TP53INP1: variants seen among roughly 807,000 people sequenced by gnomAD.
TP53INP1 encodes the protein tumor protein p53 inducible nuclear protein 1, also known as tumor protein p53-inducible nuclear protein 1.
In TP53INP1, 12 loss-of-function variants were observed where a neutral mutation model predicts 21.0. The observed-to-expected ratio is 0.57, with a 90% CI of 0.37 to 0.93. The LOEUF is 0.93. Among genes scored for constraint, TP53INP1 ranks in the 40% least tolerant of loss-of-function variants. TP53INP1 has a pLI of 0.01. For missense variants in TP53INP1, 274 were observed against 294.7 expected, an observed-to-expected ratio of 0.93 and a Z score of 0.51; for synonymous variants, 91 against 94.8, an observed-to-expected ratio of 0.96 and a Z score of 0.23.
chr8:94,940,208 C>A lies in TP53INP1; in HGVS notation c.125G>T (p.Gly42Val). 6.2e-7 allele frequency: 1 copy of A among 1,610,168 alleles called. No individual in the cohort carries two copies. Among genetic ancestry groups the A allele is most frequent in the South Asian group, 1.1e-5 (1 of 90,448 alleles). ...ILVDFIDTCT[G>V]FSAEEEEEEE... ...TTCTTCTTCTTCTTCTGCTGAGAAACCAGTGCAAGTATCTAGATCGTAGTC... is the reference window on the plus strand; with the variant it reads ...TTCTTCTTCTTCTTCTGCTGAGAAAACAGTGCAAGTATCTAGATCGTAGTC... The change falls in exon 3 of 4, where the codon GGT (glycine) becomes GTT (valine). Residue 42 changes from glycine (G) to valine (V), a missense_variant. By Grantham distance (109) the Gly-to-Val change is moderately radical (BLOSUM62 -3). Coordinates refer to ENST00000342697, the MANE Select transcript of TP53INP1 (RefSeq NM_033285.4).
chr8:94,941,007 T>A lies in TP53INP1; in HGVS notation c.-66A>T. ...AGCTGAGATTTCAAAACCTTGTCTT[T>A]AGTTGGCCCAATGGTACCGACAGGA... On this transcript the variant is annotated 5_prime_UTR_variant, in exon 2 of 4. Coordinates refer to ENST00000342697, the MANE Select transcript of TP53INP1 (RefSeq NM_033285.4). 1 of 1,263,686 alleles carries A rather than the reference T, an allele frequency of 7.9e-7. No individual in the cohort carries two copies. Among genetic ancestry groups the A allele is most frequent in the Non-Finnish European group, 1.1e-6 (1 of 876,606 alleles). 78.3% of individuals were successfully genotyped at this position (1,263,686 alleles called of 1,614,324 possible).
At chr8:94,939,749 T>A in intron 3 of TP53INP1, 111 bp downstream of exon 3, 1 of 1,449,268 alleles carries the variant, frequency 6.9e-7, no homozygotes, top group Non-Finnish European at 9.4e-7. Flanking sequence ...CTTTCATAAA[T>A]CTCTAACAAA....
At chr8:94,944,849 G>A (rs779330560) in intron 1 of TP53INP1, among the ~76,000 whole-genome samples, 1 of 152,006 alleles carries the variant, frequency 6.6e-6, no homozygotes, top group African/African-American at 2.4e-5. Context: ...GAATCACCTC[G>A]TCACTCTCTT....
intron 3 of TP53INP1, among the ~76,000 whole-genome samples, chr8:94,933,834 T>TA (rs1554630442): frequency 1.7e-5 from 1 of 59,022 alleles, no homozygotes; most frequent in South Asian, 6.4e-4. Flanking sequence ...CAGCACTTTG[T>TA]GGGGGGGGGG....
rs1820747587 is a variant in TP53INP1 at position 94,934,243 on chromosome 8, T to C, written c.474-3515A>G. Among the ~76,000 whole-genome samples the C allele has an allele frequency of 2.6e-5, 4 of 152,202 alleles. No homozygotes were observed. The South Asian group carries it at 8.3e-4, about 31-fold the overall frequency. ...AATGTCATTTCCAATTTTTGCATAT[T>C]TGTATTTTCTAATTTTTTTACATTG... On this transcript the variant is annotated intron_variant, in intron 3 of 3. Coordinates refer to ENST00000342697, the MANE Select transcript of TP53INP1 (RefSeq NM_033285.4).
chr8:94,939,207 T>C (rs1821281911), intron 3 of TP53INP1, among the ~76,000 whole-genome samples: 2 of 152,210 alleles, frequency 1.3e-5, no homozygotes, highest in African/African-American at 4.8e-5. Flanking sequence ...AGAAAATAAA[T>C]TTTAAGACAT....
rs897136439 is a variant in TP53INP1 at position 94,941,110 on chromosome 8, A to G, written c.-150-19T>C. 1.7e-5 allele frequency: 10 copies of G among 590,896 alleles called. No homozygotes were observed. Among genetic ancestry groups the G allele is most frequent in the Middle Eastern group, 2.6e-4 (1 of 3,850 alleles). The allele number at this position is 590,896 out of a possible 1,614,324, so 36.6% of individuals were successfully genotyped here. A position where few individuals can be genotyped will look rare whatever the true frequency, so the allele number is the denominator to read the frequency against. On this transcript the variant is annotated intron_variant, in intron 1 of 3. Transcript: ENST00000342697. ...ATTGTACCTAAAATAAAACAGAAAA[A>G]GGAAGTTATTTCAAATCAGCATGCA...
Position 94,927,097 on chromosome 8 carries a change from A to C in TP53INP1, c.*3382T>G, listed in dbSNP as rs1221990664. 2 of 152,614 alleles carry C rather than the reference A, an allele frequency of 1.3e-5. No homozygotes were observed. Among genetic ancestry groups the C allele is most frequent in the East Asian group, 3.8e-4 (2 of 5,204 alleles). The allele number at this position is 152,614 out of a possible 1,614,324, so 9.5% of individuals were successfully genotyped here. On this transcript the variant is annotated 3_prime_UTR_variant, in exon 4 of 4. Coordinates refer to ENST00000342697, the MANE Select transcript of TP53INP1 (RefSeq NM_033285.4). Reference sequence around the variant, plus strand: ...AAGGAGCAGTCTCTTGACTCAAAAAATGAAAACTAATATGTGGAAACTCTT... The same window carrying C: ...AAGGAGCAGTCTCTTGACTCAAAAACTGAAAACTAATATGTGGAAACTCTT...
At chr8:94,934,848 T>C (rs913515707) in intron 3 of TP53INP1, among the ~76,000 whole-genome samples, 5 of 152,176 alleles carry the variant, frequency 3.3e-5, no homozygotes, top group Non-Finnish European at 7.3e-5. Context: ...CTTAATAAAC[T>C]TGTAGCACTG....
intron 1 of TP53INP1, among the ~76,000 whole-genome samples, chr8:94,947,563 T>C (rs920341456): frequency 3.3e-5 from 5 of 152,186 alleles, no homozygotes; most frequent in Admixed American, 2.6e-4. Context: ...TAATTTAAAA[T>C]GGATTTTGAA....
intron 1 of TP53INP1, among the ~76,000 whole-genome samples, chr8:94,945,925 C>T (rs1421738256): frequency 2.0e-5 from 3 of 152,194 alleles, no homozygotes; most frequent in African/African-American, 7.2e-5. Context: ...TTCAAGAAGG[C>T]AGCTTTGTCC....
At chr8:94,940,355 G>T in intron 2 of TP53INP1, 135 bp from the exon 3 acceptor site, 1 of 1,005,830 alleles carries the variant, frequency 9.9e-7, no homozygotes, top group South Asian at 1.7e-5. Flanking sequence ...GATACTATTA[G>T]CTGATGCTCA....
rs1213330948 is a variant in TP53INP1, at chr8:94,938,522, C to T, written c.473+1338G>A. Among the ~76,000 whole-genome samples, 4 of 152,206 alleles carry T rather than the reference C, an allele frequency of 2.6e-5. No homozygotes were observed. In the East Asian group the frequency reaches 7.7e-4, roughly 29 times the overall value. On this transcript the variant is annotated intron_variant, in intron 3 of 3. Coordinates refer to ENST00000342697, the MANE Select transcript of TP53INP1 (RefSeq NM_033285.4). Reference sequence around the variant, plus strand: ...GATGGGATGTGGTCACTATAAAGACCAAGTTACAGTTGGGACTTTTAGCCC... The same window carrying T: ...GATGGGATGTGGTCACTATAAAGACTAAGTTACAGTTGGGACTTTTAGCCC...
At chr8:94,937,794 C>T (rs1821136997) in intron 3 of TP53INP1, among the ~76,000 whole-genome samples, 1 of 152,096 alleles carries the variant, frequency 6.6e-6, no homozygotes, top group African/African-American at 2.4e-5. Flanking sequence ...ACCTAGACCC[C>T]ATCTTGCAAA....
intron 3 of TP53INP1, among the ~76,000 whole-genome samples, chr8:94,932,621 G>C (rs1437059075): frequency 3.9e-5 from 6 of 152,222 alleles, no homozygotes; most frequent in African/African-American, 1.4e-4. Context: ...GGCTAAAACA[G>C]TGAAACCCCG....
intron 3 of TP53INP1, among the ~76,000 whole-genome samples, chr8:94,936,571 C>T (rs531640859): frequency 1.7e-4 from 26 of 152,182 alleles, no homozygotes; most frequent in African/African-American, 6.3e-4. Context: ...TGATGGAAGC[C>T]CCTAGGTTTG....
At chr8:94,937,020 T>C (rs1821044635) in intron 3 of TP53INP1, among the ~76,000 whole-genome samples, 1 of 152,174 alleles carries the variant, frequency 6.6e-6, no homozygotes, top group African/African-American at 2.4e-5. Context: ...AGCTACAAAA[T>C]GGGTCTTGAG....
At chr8:94,947,412 A>T (rs1405194813) in intron 1 of TP53INP1, among the ~76,000 whole-genome samples, 2 of 152,180 alleles carry the variant, frequency 1.3e-5, no homozygotes, top group African/African-American at 4.8e-5. Flanking sequence ...CTTCAGAATT[A>T]TCCTTCTTTT....
chr8:94,943,645 G>A (rs568841391), intron 1 of TP53INP1, among the ~76,000 whole-genome samples: 1 of 152,318 alleles, frequency 6.6e-6, no homozygotes, highest in African/African-American at 2.4e-5. Context: ...AAGTAGTTGG[G>A]ATCTGTAGCT....
Sources: gnomAD v4.1 joint callset for allele counts (sites outside exome capture counted in the v4.1 genomes callset) on GRCh38, gnomAD v4.1.1 for gene constraint, MANE v1.5 for transcripts, NCBI Gene and HGNC (gene_info 2026-07-23, HGNC 2026-07-21) for gene names.